CDH12: variants seen among roughly 807,000 people sequenced by gnomAD.
The protein encoded by CDH12 is cadherin-12.
Under a neutral mutation model 74.1 loss-of-function variants are expected in CDH12, and 41 were observed. That is an observed-to-expected ratio of 0.55 (90% CI 0.43 to 0.72). The LOEUF is 0.72. Ranked by LOEUF, CDH12 falls within the 30% of genes least tolerant of loss-of-function variation. The pLI, the probability that CDH12 is intolerant of heterozygous loss-of-function variation, is 0.00. For synonymous variants in CDH12, 399 were observed against 355.0 expected, an observed-to-expected ratio of 1.12 and a Z score of -1.39; for missense variants, 945 against 977.2, an observed-to-expected ratio of 0.97 and a Z score of 0.44.
At chr5:21,980,322 GA>G (rs1401010877) in intron 5 of CDH12, among the ~76,000 whole-genome samples, 2 of 151,958 alleles carry the variant, frequency 1.3e-5, no homozygotes, top group African/African-American at 4.8e-5. Context: ...AGGTAGAGAT[GA>G]ACAACCCTGG....
chr5:21,782,774 A>G (rs1745984471), intron 11 of CDH12, among the ~76,000 whole-genome samples: 1 of 152,126 alleles, frequency 6.6e-6, no homozygotes, highest in Non-Finnish European at 1.5e-5. Context: ...CACTCAGTCT[A>G]GAGGATTCTT....
chr5:22,105,102 T>C (rs1744350678), intron 4 of CDH12, among the ~76,000 whole-genome samples: 1 of 148,512 alleles, frequency 6.7e-6, no homozygotes, highest in Non-Finnish European at 1.5e-5. Context: ...TTTTCTTTTC[T>C]TTTTTTTTGA....
intron 1 of CDH12, among the ~76,000 whole-genome samples, chr5:22,795,671 C>G (rs915592845): frequency 1.3e-5 from 2 of 151,394 alleles, no homozygotes; most frequent in African/African-American, 4.9e-5. Flanking sequence ...AATACACATA[C>G]AAGTCCAAAG....
At chr5:22,436,913 A>T (rs906775391) in intron 2 of CDH12, among the ~76,000 whole-genome samples, 3 of 152,148 alleles carry the variant, frequency 2.0e-5, no homozygotes, top group African/African-American at 7.2e-5. Flanking sequence ...ATGTGCATGT[A>T]CAACTACAAG....
intron 14 of CDH12, among the ~76,000 whole-genome samples, chr5:21,754,995 C>T (rs1744304998): frequency 6.6e-6 from 1 of 152,070 alleles, no homozygotes. Context: ...CTGTTCTGTT[C>T]TAGTGGGAAT....
At chr5:22,282,486 A>T (rs1414364134) in intron 3 of CDH12, among the ~76,000 whole-genome samples, 1 of 152,156 alleles carries the variant, frequency 6.6e-6, no homozygotes, top group Non-Finnish European at 1.5e-5. Flanking sequence ...AATTTTTGCA[A>T]TCTATCCACC....
intron 4 of CDH12, among the ~76,000 whole-genome samples, chr5:22,114,834 A>C (rs922749572): frequency 2.0e-5 from 3 of 152,204 alleles, no homozygotes; most frequent in Non-Finnish European, 2.9e-5. Context: ...TCTGAGAGGG[A>C]GAAATCAAGT....
chr5:22,644,618 T>C (rs1739339076), intron 1 of CDH12, among the ~76,000 whole-genome samples: 1 of 152,008 alleles, frequency 6.6e-6, no homozygotes, highest in African/African-American at 2.4e-5. Context: ...AGGCAGTAAG[T>C]GCTTATATAG....
At chr5:22,543,330 C>T (rs751925693) in intron 1 of CDH12, among the ~76,000 whole-genome samples, 4 of 152,042 alleles carry the variant, frequency 2.6e-5, no homozygotes, top group Non-Finnish European at 5.9e-5. Context: ...AATCATGTAG[C>T]ATACAATGTT....
intron 1 of CDH12, among the ~76,000 whole-genome samples, chr5:22,835,291 T>C (rs1199255373): frequency 6.6e-6 from 1 of 152,162 alleles, no homozygotes; most frequent in Non-Finnish European, 1.5e-5. Flanking sequence ...AAAAATATTC[T>C]GGAAATGAAA....
rs142379720 is a variant in CDH12, at chr5:22,391,107, T to A, written c.-333+14150A>T. 1.6e-3 allele frequency among the ~76,000 whole-genome samples: 243 copies of A among 152,152 alleles called. 2 individuals are homozygous for A. Among genetic ancestry groups the A allele is most frequent in the Middle Eastern group, 3.4e-3 (1 of 294 alleles). On this transcript the variant is annotated intron_variant, in intron 3 of 14. Coordinates refer to ENST00000382254, the MANE Select transcript of CDH12 (RefSeq NM_004061.5). ...AGCAGAGGATGATGCTCTAAGGTGG[T>A]GCTGGGAACAGAGCACTGTGTCTTT...
In CDH12 at chr5:21,751,605, C is replaced by CGAGA. The variant is rs1744053465; in HGVS notation, c.*131_*132insTCTC. The CGAGA allele has an allele frequency of 4.4e-6, 1 of 226,846 alleles. No individual in the cohort carries two copies. Among genetic ancestry groups the CGAGA allele is most frequent in the South Asian group, 7.3e-5 (1 of 13,646 alleles). The allele number at this position is 226,846 out of a possible 1,614,324, so 14.1% of individuals were successfully genotyped here. ...ACCAGGTAATCAAAGGAATCTTGTC[C>CGAGA]CAGAGTGTGTGTGTGTGTGTGTGTG... On this transcript the variant is annotated 3_prime_UTR_variant, in exon 15 of 15. Coordinates refer to ENST00000382254, the MANE Select transcript of CDH12 (RefSeq NM_004061.5).
At chr5:22,584,354 C>A (rs1163960302) in intron 1 of CDH12, among the ~76,000 whole-genome samples, 1 of 152,206 alleles carries the variant, frequency 6.6e-6, no homozygotes, top group Non-Finnish European at 1.5e-5. Flanking sequence ...TCTGCCTCGG[C>A]TTCCCGAAGT....
At chr5:22,449,356 C>A (rs1183691231) in intron 2 of CDH12, among the ~76,000 whole-genome samples, 3 of 151,970 alleles carry the variant, frequency 2.0e-5, no homozygotes, top group Non-Finnish European at 2.9e-5. Flanking sequence ...ATTTCTCACC[C>A]CATTAACTCC....
At chr5:21,826,290 G>A (rs183757434) in intron 8 of CDH12, among the ~76,000 whole-genome samples, 54 of 152,222 alleles carry the variant, frequency 3.5e-4, no homozygotes, top group African/African-American at 1.3e-3. Context: ...TGAGATCATA[G>A]ACTTGCCATG....
At chr5:22,031,443 T>C (rs1380773928) in intron 5 of CDH12, among the ~76,000 whole-genome samples, 1 of 152,216 alleles carries the variant, frequency 6.6e-6, no homozygotes, top group Admixed American at 6.5e-5. Context: ...TGTTTCACTT[T>C]ATTATCATTC....
At chr5:21,872,820 ATCTATCT>A (rs1311304726) in intron 6 of CDH12, among the ~76,000 whole-genome samples, 8 of 151,412 alleles carry the variant, frequency 5.3e-5, no homozygotes, top group African/African-American at 1.9e-4. Flanking sequence ...CTATCTATCT[ATCTATCT>A]ATCTATCATC....
chr5:21,835,349 T>C (rs1395127007), intron 8 of CDH12, among the ~76,000 whole-genome samples: 1 of 151,228 alleles, frequency 6.6e-6, no homozygotes, highest in Non-Finnish European at 1.5e-5. Context: ...ACTGTATATA[T>C]ATGTTACGTA....
At chr5:21,804,706 C>T (rs1747338281) in intron 9 of CDH12, among the ~76,000 whole-genome samples, 1 of 147,186 alleles carries the variant, frequency 6.8e-6, no homozygotes, top group Non-Finnish European at 1.5e-5. Context: ...AGATGTTTTA[C>T]GTGGTGGCAA....
Sources: allele counts gnomAD v4.1 joint callset (sites outside exome capture counted in the v4.1 genomes callset), GRCh38; gene constraint gnomAD v4.1.1; transcripts MANE v1.5; gene names NCBI Gene and HGNC (gene_info 2026-07-23, HGNC 2026-07-21).